TENM3: variants seen among roughly 807,000 people sequenced by gnomAD.
TENM3 encodes the protein teneurin-3.
Under a neutral mutation model 255.1 loss-of-function variants are expected in TENM3, and 63 were observed. The observed-to-expected ratio is 0.25, with a 90% confidence interval of 0.20 to 0.30. The LOEUF is 0.30. Ranked by LOEUF, TENM3 falls within the 10% of genes least tolerant of loss-of-function variation. The pLI, the probability that TENM3 is intolerant of heterozygous loss-of-function variation, is 1.00. For synonymous variants in TENM3, 1,306 were observed against 1,322.3 expected, an observed-to-expected ratio of 0.99 and a Z score of 0.27; for missense variants, 2,929 against 3,461.1, an observed-to-expected ratio of 0.85 and a Z score of 3.86.
intron 22 of TENM3, among the ~76,000 whole-genome samples, chr4:182,757,766 T>G (rs1762844427): frequency 6.6e-6 from 1 of 152,222 alleles, no homozygotes; most frequent in Non-Finnish European, 1.5e-5. Flanking sequence ...CAAGCCAATC[T>G]TGTATATAAT....
intron 19 of TENM3, among the ~76,000 whole-genome samples, chr4:182,750,975 A>C (rs1395658383): frequency 6.6e-6 from 1 of 152,216 alleles, no homozygotes; most frequent in African/African-American, 2.4e-5. Flanking sequence ...ATACGTCATA[A>C]TTTGTCCCCT....
the TENM3 span, among the ~76,000 whole-genome samples, chr4:181,570,582 A>T: frequency 1.1e-5 from 1 of 93,948 alleles, no homozygotes; most frequent in South Asian, 3.8e-4. Context: ...GAAAAGAGAG[A>T]AAAAGAAAGA....
chr4:182,466,886 G>A (rs943020182), intron 3 of TENM3, among the ~76,000 whole-genome samples: 6 of 151,186 alleles, frequency 4.0e-5, no homozygotes, highest in Admixed American at 6.6e-5. Context: ...ATTCCTTAGG[G>A]GGTTTAGATA....
chr4:181,784,496 G>C, the TENM3 span, among the ~76,000 whole-genome samples: 1 of 151,926 alleles, frequency 6.6e-6, no homozygotes, highest in African/African-American at 2.4e-5. Context: ...AAGTGAGACT[G>C]GTGAATAGTT....
the TENM3 span, among the ~76,000 whole-genome samples, chr4:181,575,960 G>T: frequency 1.3e-5 from 2 of 152,092 alleles, no homozygotes; most frequent in African/African-American, 4.8e-5. Context: ...GCTTTGTTAG[G>T]TTTTTTGTAT....
chr4:181,480,801 G>GAT, the TENM3 span, among the ~76,000 whole-genome samples: 1,129 of 148,306 alleles, frequency 7.6e-3, 14 homozygotes, highest in African/African-American at 0.025. Context: ...TAGATGTATT[G>GAT]ATATATATAT....
At chr4:182,750,390 A>G (rs9993361) in intron 19 of TENM3, among the ~76,000 whole-genome samples, 35,226 of 149,586 alleles carry the variant, frequency 0.24, 4,847 homozygotes, top group African/African-American at 0.37. Context: ...ACAGCCTAAG[A>G]GCTCTTCAGA....
At chr4:182,161,515 A>G (rs1235517722) in intron 1 of TENM3, among the ~76,000 whole-genome samples, 81 of 144,600 alleles carry the variant, frequency 5.6e-4, no homozygotes, top group Non-Finnish European at 9.7e-4. Context: ...TGAACCTGGG[A>G]GGTGGAGGTT....
chr4:182,162,249 GA>G (rs1305019423), intron 1 of TENM3, among the ~76,000 whole-genome samples: 2 of 151,982 alleles, frequency 1.3e-5, no homozygotes, highest in Non-Finnish European at 2.9e-5. Flanking sequence ...TGGCTCCAGT[GA>G]AAATAAGTCC....
At chr4:182,258,667 A>G (rs1758586846) in intron 1 of TENM3, among the ~76,000 whole-genome samples, 1 of 152,222 alleles carries the variant, frequency 6.6e-6, no homozygotes, top group Admixed American at 6.5e-5. Flanking sequence ...TGTATGTGCT[A>G]TAGCCTTTAG....
chr4:182,463,211 A>C (rs1732225600), intron 3 of TENM3, among the ~76,000 whole-genome samples: 1 of 152,176 alleles, frequency 6.6e-6, no homozygotes, highest in Admixed American at 6.5e-5. Context: ...TGAAAGTAAT[A>C]GTCTTGTGAG....
At chr4:181,560,911 G>A in the TENM3 span, among the ~76,000 whole-genome samples, 1 of 152,150 alleles carries the variant, frequency 6.6e-6, no homozygotes, top group African/African-American at 2.4e-5. Context: ...AAGGGAGGGA[G>A]GAGGAAGGCT....
chr4:182,590,538 CA>C (rs34681777), intron 3 of TENM3, among the ~76,000 whole-genome samples: 16,406 of 79,866 alleles, frequency 0.21, 480 homozygotes, highest in Non-Finnish European at 0.21. Context: ...GACCCTGTCT[CA>C]AAAAAAAAAA....
chr4:182,453,281 T>G (rs1050795310), intron 3 of TENM3, among the ~76,000 whole-genome samples: 3 of 152,158 alleles, frequency 2.0e-5, no homozygotes, highest in Non-Finnish European at 2.9e-5. Context: ...CAGAAACAGT[T>G]TATGCCACAG....
the TENM3 span, among the ~76,000 whole-genome samples, chr4:181,530,769 G>A: frequency 4.1e-4 from 62 of 152,266 alleles, no homozygotes; most frequent in African/African-American, 1.2e-3. Flanking sequence ...TTTAACTGTC[G>A]TATTCGTTGG....
intron 1 of TENM3, among the ~76,000 whole-genome samples, chr4:182,298,139 T>G (rs1761612323): frequency 6.6e-6 from 1 of 152,236 alleles, no homozygotes; most frequent in African/African-American, 2.4e-5. Context: ...ATAGCACCTG[T>G]CGCCACTTAT....
chr4:181,923,770 T>G, the TENM3 span, among the ~76,000 whole-genome samples: 1 of 152,086 alleles, frequency 6.6e-6, no homozygotes, highest in African/African-American at 2.4e-5. Flanking sequence ...AGCGAGGAAG[T>G]AGATCAAAAG....
intron 2 of TENM3, among the ~76,000 whole-genome samples, chr4:182,330,835 T>TGTG (rs1763702109): frequency 6.6e-6 from 1 of 152,124 alleles, no homozygotes; most frequent in Non-Finnish European, 1.5e-5. Context: ...AAGAGAAACC[T>TGTG]TAACAGAAGG....
intron 16 of TENM3, among the ~76,000 whole-genome samples, chr4:182,735,633 G>A (rs1187973872): frequency 2.6e-5 from 4 of 152,200 alleles, no homozygotes; most frequent in South Asian, 2.1e-4. Flanking sequence ...AAGCCTTTGA[G>A]AGTACTGTTT....
Sources: gnomAD v4.1 joint callset for allele counts (sites outside exome capture counted in the v4.1 genomes callset) on GRCh38, gnomAD v4.1.1 for gene constraint, MANE v1.5 for transcripts, NCBI Gene and HGNC (gene_info 2026-07-23, HGNC 2026-07-21) for gene names.